MGA: variants seen among roughly 807,000 people sequenced by gnomAD.
The protein encoded by MGA is MAX dimerization protein MGA.
Under a neutral mutation model 261.1 loss-of-function variants are expected in MGA, and 40 were observed. The observed-to-expected ratio is 0.15, with a 90% CI of 0.12 to 0.20. The LOEUF (loss-of-function observed/expected upper bound fraction) is 0.20. MGA is among the 10% of genes least tolerant of loss of function. The pLI is 1.00. For synonymous variants in MGA, 1,302 were observed against 1,290.6 expected (o/e 1.01, Z -0.19); for missense variants, 3,397 against 3,630.5 (o/e 0.94, Z 1.65).
In MGA at chr15:41,742,879, T is replaced by G; in HGVS notation, c.4919T>G (p.Val1640Gly). The G allele has an allele frequency of 6.2e-7, 1 of 1,613,984 alleles. No individual in the cohort carries two copies. The highest frequency in any genetic ancestry group is 8.5e-7 in the Non-Finnish European group (1 of 1,179,888). Residue 1640 changes from valine to glycine, a missense_variant, in exon 15 of 24, where the codon GTC (valine) becomes GGC (glycine). Val to Gly is a moderately radical substitution (Grantham distance 109). Coordinates refer to ENST00000219905, the MANE Select transcript of MGA (RefSeq NM_001164273.2). ...GCCACCACTACAGGGGTTGTTGAGG[T>G]CTCTGAAACTAATACCAGCACCTCT...
At chr15:41,719,198 A>C (rs561225003) in intron 9 of MGA, among the ~76,000 whole-genome samples, 1 of 152,104 alleles carries the variant, frequency 6.6e-6, no homozygotes, top group African/African-American at 2.4e-5. Flanking sequence ...AAGATGCCTA[A>C]AACCTATATA....
chr15:41,720,056 G>C (rs1409820274), intron 9 of MGA, among the ~76,000 whole-genome samples: 1 of 152,106 alleles, frequency 6.6e-6, no homozygotes, highest in Non-Finnish European at 1.5e-5. Flanking sequence ...AGCTTTTTAT[G>C]TGAAACATGA....
intron 2 of MGA, among the ~76,000 whole-genome samples, chr15:41,677,574 C>A (rs1477751577): frequency 6.6e-6 from 1 of 152,314 alleles, no homozygotes; most frequent in Middle Eastern, 3.4e-3. Context: ...CAACAGTGCA[C>A]AAGTGTTCTA....
chr15:41,754,559 C>G lies in MGA; in HGVS notation c.7131C>G (p.Phe2377Leu), dbSNP rs888920232. The change falls in exon 18 of 24, where the codon TTC (phenylalanine) becomes TTG (leucine). Residue 2377 changes from phenylalanine (F) to leucine (L), a missense_variant. Around this residue, in one of 9 missense-constraint regions of MGA, gnomAD observed 1,410 missense variants for 1,386.4 expected, o/e 1.02. Coordinates refer to ENST00000219905, the MANE Select transcript of MGA (RefSeq NM_001164273.2). Reference sequence around the variant, plus strand: ...CCACAGCGGCCCACACACAGTCATTCAAACAGCCGTAAGTCTTATTTCTCT... The same window carrying G: ...CCACAGCGGCCCACACACAGTCATTGAAACAGCCGTAAGTCTTATTTCTCT... 74 of 1,576,146 alleles carry G rather than the reference C, an allele frequency of 4.7e-5. No homozygotes were observed. Among genetic ancestry groups the G allele is most frequent in the Non-Finnish European group, 5.9e-5 (69 of 1,162,914 alleles).
intron 14 of MGA, among the ~76,000 whole-genome samples, chr15:41,742,293 G>T (rs1358984438): frequency 6.6e-6 from 1 of 151,984 alleles, no homozygotes; most frequent in Non-Finnish European, 1.5e-5. Flanking sequence ...GAAGGCTGAG[G>T]CAGGAGAATT....
chr15:41,712,178 G>A (rs2060419073), intron 8 of MGA, among the ~76,000 whole-genome samples: 1 of 152,084 alleles, frequency 6.6e-6, no homozygotes, highest in Non-Finnish European at 1.5e-5. Context: ...TATTGATGAT[G>A]TACCTATCTT....
intron 11 of MGA, among the ~76,000 whole-genome samples, chr15:41,730,183 T>C (rs1184597622): frequency 5.3e-5 from 8 of 151,876 alleles, no homozygotes; most frequent in African/African-American, 1.9e-4. Context: ...CGTGAGCCAC[T>C]GCACCCAGCC....
intron 5 of MGA, among the ~76,000 whole-genome samples, chr15:41,704,180 T>C (rs1451621575): frequency 6.6e-6 from 1 of 152,160 alleles, no homozygotes; most frequent in Non-Finnish European, 1.5e-5. Flanking sequence ...CTTCCTTTTT[T>C]AGTAATTTAA....
intron 5 of MGA, among the ~76,000 whole-genome samples, chr15:41,705,813 G>A (rs1278044954): frequency 1.3e-5 from 2 of 152,188 alleles, no homozygotes; most frequent in East Asian, 3.8e-4. Context: ...CAATTAAAAA[G>A]TAGTAAAGGC....
In MGA at chr15:41,696,635, A is replaced by G. The variant is rs768495507; in HGVS notation, c.1625A>G (p.Lys542Arg). Reference sequence around the variant, plus strand: ...TCACCAGATCTCAGAGTGGTACAAAAATATCCCTTACTGAAAGAGCCTCAG... The same window carrying G: ...TCACCAGATCTCAGAGTGGTACAAAGATATCCCTTACTGAAAGAGCCTCAG... The change falls in exon 3 of 24, where the codon AAA becomes AGA. Residue 542 changes from lysine to arginine, a missense_variant. By Grantham distance (26) the Lys-to-Arg change is conservative. Around this residue, in one of 9 missense-constraint regions of MGA, gnomAD observed 563 missense variants for 563.6 expected, o/e 1.00. Coordinates refer to ENST00000219905, the MANE Select transcript of MGA (RefSeq NM_001164273.2). 5.6e-6 allele frequency: 9 copies of G among 1,613,408 alleles called. No individual in the cohort carries two copies. The highest frequency in any genetic ancestry group is 6.8e-6 in the Non-Finnish European group (8 of 1,179,700).
intron 18 of MGA, among the ~76,000 whole-genome samples, chr15:41,756,561 C>T (rs1011969732): frequency 1.3e-5 from 2 of 151,886 alleles, no homozygotes; most frequent in South Asian, 2.1e-4. Flanking sequence ...CACAAGGGGT[C>T]GTGTATGGGA....
At chr15:41,639,162 A>T (rs1566927223) in intron 1 of MGA, among the ~76,000 whole-genome samples, 1 of 151,614 alleles carries the variant, frequency 6.6e-6, no homozygotes, top group African/African-American at 2.4e-5. Context: ...CTCTTGTTAT[A>T]CTATTCTTGT....
At position 41,668,829 on chromosome 15, in the gene MGA, A is replaced by C; in HGVS notation, c.-66A>C. ...GGTTTTTTTTTGCTTGTTTCTTAGGATGGGAAGGCCATTGTGACTATGTGG... is the reference window on the plus strand; with the variant it reads ...GGTTTTTTTTTGCTTGTTTCTTAGGCTGGGAAGGCCATTGTGACTATGTGG... On this transcript the variant is annotated splice_region_variant and 5_prime_UTR_variant, in exon 2 of 24. An upstream start codon of the reference 5' UTR is lost. Transcript: ENST00000219905. 8.3e-7 allele frequency: 1 copy of C among 1,200,032 alleles called. No homozygotes were observed. The highest frequency in any genetic ancestry group is 1.1e-6 in the Non-Finnish European group (1 of 885,820). The allele number at this position is 1,200,032 out of a possible 1,614,324, so 74.3% of individuals were successfully genotyped here. A position where few individuals can be genotyped will look rare whatever the true frequency, so the allele number is the denominator to read the frequency against.
chr15:41,738,310 G>T (rs575539434), intron 13 of MGA, among the ~76,000 whole-genome samples: 9 of 151,548 alleles, frequency 5.9e-5, no homozygotes, highest in African/African-American at 1.7e-4. Context: ...CAGGAGAATC[G>T]CCTGAACCTG....
At chr15:41,677,745 GTTTA>G (rs2058461413) in intron 2 of MGA, among the ~76,000 whole-genome samples, 1 of 152,144 alleles carries the variant, frequency 6.6e-6, no homozygotes, top group Non-Finnish European at 1.5e-5. Flanking sequence ...AAGGAGAAAT[GTTTA>G]TTCAAGTGCT....
chr15:41,684,100 TG>T (rs2058820610), intron 2 of MGA, among the ~76,000 whole-genome samples: 1 of 152,128 alleles, frequency 6.6e-6, no homozygotes, highest in South Asian at 2.1e-4. Flanking sequence ...TGCATCATAT[TG>T]TCTACTTGTC....
intron 1 of MGA, among the ~76,000 whole-genome samples, chr15:41,635,742 A>C (rs1264037875): frequency 6.6e-6 from 1 of 152,146 alleles, no homozygotes. Context: ...AAATACATTC[A>C]TGTGCCACAT....
intron 9 of MGA, among the ~76,000 whole-genome samples, chr15:41,715,751 T>C (rs1225609338): frequency 1.3e-5 from 2 of 152,204 alleles, no homozygotes; most frequent in East Asian, 3.9e-4. Flanking sequence ...TTTTAGCATT[T>C]AAGTGAGATA....
intron 1 of MGA, among the ~76,000 whole-genome samples, chr15:41,647,239 G>T (rs533930999): frequency 6.6e-6 from 1 of 152,264 alleles, no homozygotes; most frequent in East Asian, 1.9e-4. Context: ...ACATCTGCCT[G>T]CAAGCTCATT....
Sources: gnomAD v4.1 joint callset for allele counts (sites outside exome capture counted in the v4.1 genomes callset) on GRCh38, gnomAD v4.1.1 for gene constraint, gnomAD v4.1.1 regional missense constraint, MANE v1.5 for transcripts, NCBI Gene and HGNC (gene_info 2026-07-23, HGNC 2026-07-21) for gene names.